CTNNA2: variants seen among roughly 807,000 people sequenced by gnomAD.
CTNNA2 encodes the protein catenin alpha 2.
A neutral mutation model predicts 101.0 loss-of-function variants in CTNNA2; 42 were observed. That is an observed-to-expected ratio of 0.42 (90% CI 0.32 to 0.54). The LOEUF (loss-of-function observed/expected upper bound fraction) is 0.54. Among genes scored for constraint, CTNNA2 ranks in the 20% least tolerant of loss-of-function variants. The pLI is 0.14. For missense variants in CTNNA2, 871 were observed against 1,223.1 expected (o/e 0.71, Z 4.29); for synonymous variants, 450 against 456.4 (o/e 0.99, Z 0.18).
rs540762999 is a variant in CTNNA2, at chr2:79,617,448, G to A, written c.-5-34104G>A. 1.1e-4 allele frequency among the ~76,000 whole-genome samples: 17 copies of A among 152,104 alleles called. 1 individual carries two copies. The South Asian group carries it at 3.5e-3, about 32-fold the overall frequency. On this transcript the variant is annotated intron_variant, in intron 1 of 18. Transcript: ENST00000402739. ...TCTTTCTATGTTATTTCTTAGATCA[G>A]TTTCACCATATCTTCTTTTCAGTTC...
intron 8 of CTNNA2, 89 bp downstream of exon 8, chr2:80,393,380 C>T: frequency 1.1e-6 from 1 of 906,394 alleles, no homozygotes; most frequent in Non-Finnish European, 1.7e-6. Context: ...TTGGAGATGA[C>T]AATGAGGTTG....
At chr2:79,757,812 G>A (rs920315374) in intron 3 of CTNNA2, among the ~76,000 whole-genome samples, 3 of 152,200 alleles carry the variant, frequency 2.0e-5, no homozygotes, top group African/African-American at 7.2e-5. Flanking sequence ...GTGCCAGTGT[G>A]TTCATGAGTT....
At chr2:80,399,081 T>C (rs1024087690) in intron 8 of CTNNA2, among the ~76,000 whole-genome samples, 1 of 150,822 alleles carries the variant, frequency 6.6e-6, no homozygotes, top group Non-Finnish European at 1.5e-5. Flanking sequence ...GCTAATTTTT[T>C]TTTTTTTTTT....
intron 7 of CTNNA2, among the ~76,000 whole-genome samples, chr2:80,207,716 A>T (rs764469546): frequency 7.2e-5 from 11 of 152,034 alleles, no homozygotes; most frequent in Non-Finnish European, 1.0e-4. Flanking sequence ...AGTGTGGGAG[A>T]GGGTTTAGGG....
chr2:80,416,451 C>T (rs1680056460), intron 8 of CTNNA2, among the ~76,000 whole-genome samples: 1 of 152,044 alleles, frequency 6.6e-6, no homozygotes, highest in Admixed American at 6.6e-5. Context: ...TCTTTAACTG[C>T]TTTCTTCCCC....
At chr2:80,109,088 C>A (rs1353393434) in intron 7 of CTNNA2, among the ~76,000 whole-genome samples, 1 of 152,146 alleles carries the variant, frequency 6.6e-6, no homozygotes, top group Non-Finnish European at 1.5e-5. Context: ...ATGATAAAGT[C>A]CAAGTGAGCC....
intron 7 of CTNNA2, among the ~76,000 whole-genome samples, chr2:80,220,796 T>A (rs549088773): frequency 2.0e-5 from 3 of 152,350 alleles, no homozygotes; most frequent in Non-Finnish European, 2.9e-5. Flanking sequence ...GAGTTATATA[T>A]TTTCCATCTG....
intron 11 of CTNNA2, among the ~76,000 whole-genome samples, chr2:80,552,905 A>T (rs1377575239): frequency 6.6e-6 from 1 of 152,142 alleles, no homozygotes; most frequent in African/African-American, 2.4e-5. Flanking sequence ...TTAAAATTTT[A>T]AAAATTTATT....
chr2:80,605,260 TA>T (rs1355041948), intron 16 of CTNNA2: 4 of 152,040 alleles, frequency 2.6e-5, no homozygotes, highest in African/African-American at 9.7e-5. Flanking sequence ...CCATTTCTTT[TA>T]AGAGTGCTTT....
chr2:80,043,199 T>TCC, intron 7 of CTNNA2, among the ~76,000 whole-genome samples: 1 of 102,902 alleles, frequency 9.7e-6, no homozygotes, highest in Non-Finnish European at 2.0e-5. Flanking sequence ...TCTTTCTTTC[T>TCC]CTCTCTCTTT....
intron 9 of CTNNA2, among the ~76,000 whole-genome samples, chr2:80,426,390 T>C (rs1413918393): frequency 2.6e-5 from 4 of 152,248 alleles, no homozygotes; most frequent in African/African-American, 9.6e-5. Flanking sequence ...TCTGAACTTG[T>C]TTTATTCCTT....
At position 79,907,348 on chromosome 2, in the gene CTNNA2, C is replaced by CAT. The variant is rs770070184; in HGVS notation, c.853-2245_853-2244insTA. Among the ~76,000 whole-genome samples the CAT allele has an allele frequency of 2.6e-3, 380 of 145,962 alleles. 1 individual carries two copies. Among genetic ancestry groups the CAT allele is most frequent in the Admixed American group, 4.3e-3 (63 of 14,682 alleles). ...TTATATATATACACACACACACACA[C>CAT]ACATACATATATACATATGTTCATC... On this transcript the variant is annotated intron_variant, in intron 6 of 18. Coordinates refer to ENST00000402739, the MANE Select transcript of CTNNA2 (RefSeq NM_001282597.3).
chr2:80,558,344 T>C (rs1693228303), intron 12 of CTNNA2, among the ~76,000 whole-genome samples: 1 of 152,054 alleles, frequency 6.6e-6, no homozygotes, highest in African/African-American at 2.4e-5. Context: ...TGACTGCTAA[T>C]GAGAATTGCT....
At chr2:79,635,649 G>A (rs990524252) in intron 1 of CTNNA2, among the ~76,000 whole-genome samples, 1 of 147,550 alleles carries the variant, frequency 6.8e-6, no homozygotes, top group Non-Finnish European at 1.5e-5. Context: ...GATTACAGGC[G>A]CCCGCCACCA....
intron 4 of CTNNA2, among the ~76,000 whole-genome samples, chr2:79,392,904 G>A (rs550347281): frequency 9.2e-5 from 14 of 152,212 alleles, no homozygotes; most frequent in Admixed American, 5.2e-4. Flanking sequence ...ATGGCATTTC[G>A]TGGAATCTCC....
At chr2:79,329,995 A>C (rs968283283) in intron 3 of CTNNA2, among the ~76,000 whole-genome samples, 25 of 152,122 alleles carry the variant, frequency 1.6e-4, no homozygotes, top group African/African-American at 5.3e-4. Context: ...GAAAACCACT[A>C]GCTAGAGGCC....
intron 7 of CTNNA2, among the ~76,000 whole-genome samples, chr2:80,081,584 G>A (rs909689057): frequency 2.2e-5 from 3 of 134,880 alleles, no homozygotes; most frequent in Admixed American, 8.5e-5. Context: ...CTTTGCAAAA[G>A]ACATGATATA....
At chr2:79,776,415 C>G (rs1673967798) in intron 3 of CTNNA2, among the ~76,000 whole-genome samples, 2 of 151,984 alleles carry the variant, frequency 1.3e-5, no homozygotes, top group South Asian at 4.2e-4. Context: ...GCTTTCTAAG[C>G]TTATATTCTT....
chr2:79,342,029 C>T (rs771554358), intron 3 of CTNNA2, among the ~76,000 whole-genome samples: 9 of 152,194 alleles, frequency 5.9e-5, no homozygotes, highest in African/African-American at 1.4e-4. Context: ...AAATTATTTG[C>T]TCTCACTAAG....
Sources: allele counts gnomAD v4.1 joint callset (sites outside exome capture counted in the v4.1 genomes callset), GRCh38; gene constraint gnomAD v4.1.1; transcripts MANE v1.5; gene names NCBI Gene and HGNC (gene_info 2026-07-23, HGNC 2026-07-21).